Variants in ARFGEF3 observed in about 807,000 individuals in gnomAD.
The protein encoded by ARFGEF3 is brefeldin A-inhibited guanine nucleotide-exchange protein 3.
In ARFGEF3, 96 loss-of-function variants were observed where a neutral mutation model predicts 221.7. That is an observed-to-expected ratio of 0.43 (90% CI 0.37 to 0.51). ARFGEF3 has a LOEUF of 0.51. ARFGEF3 is among the 20% of genes least tolerant of loss of function. The probability of loss-of-function intolerance (pLI) is 0.00; values close to 1 mark genes in which losing one functional copy is unlikely to be tolerated. For synonymous variants in ARFGEF3, 1,145 were observed against 1,126.8 expected, an observed-to-expected ratio of 1.02 and a Z score of -0.32; for missense variants, 2,410 against 2,789.9, an observed-to-expected ratio of 0.86 and a Z score of 3.07.
rs1779744796 is a variant in ARFGEF3 at position 138,307,333 on chromosome 6, G to A, written c.3909G>A (p.Leu1303=). 3.1e-6 allele frequency: 5 copies of A among 1,613,850 alleles called. No individual in the cohort carries two copies. Among genetic ancestry groups the A allele is most frequent in the African/African-American group, 1.3e-5 (1 of 74,932 alleles). The part of the protein sequence containing the change: ...QSGWRPLFSA[L]ETVHGGNKSE... ...GATGGAGACCCTTGTTCAGTGCCCT[G>A]GAAACAGTGCATGGCGGGAACAAGT... The change falls in exon 23 of 34, where the codon CTG becomes CTA. Residue 1303 remains leucine, a synonymous_variant. Coordinates refer to ENST00000251691, the MANE Select transcript of ARFGEF3 (RefSeq NM_020340.5).
At chr6:138,195,142 A>G (rs1777389897) in intron 2 of ARFGEF3, among the ~76,000 whole-genome samples, 2 of 151,510 alleles carry the variant, frequency 1.3e-5, no homozygotes, top group Non-Finnish European at 2.9e-5. Flanking sequence ...AGCTGGGACT[A>G]CAGGTGCACA....
At chr6:138,313,749 CT>C (rs777941223) in intron 25 of ARFGEF3, 45 bp from the exon 26 acceptor site, 1 of 1,527,464 alleles carries the variant, frequency 6.5e-7, no homozygotes, top group South Asian at 1.1e-5. Context: ...CACAATGCAG[CT>C]TTTTCCAACA....
In ARFGEF3 at chr6:138,311,418, T is replaced by C. The variant is rs1327016746; in HGVS notation, c.4108T>C (p.Cys1370Arg). Residue 1370 changes from cysteine to arginine, a missense_variant, in exon 25 of 34, where the codon TGT (cysteine) becomes CGT (arginine). By Grantham distance (180) the Cys-to-Arg change is radical. Transcript: ENST00000251691. ...KFVKGLGEVD[C>R]KEIGDCAPAP... ...CGTGCCGCCCCTAGGGGAGGTGGAC[T>C]GTAAAGAGATTGGAGACTGTGCCCC... 2 of 1,605,918 alleles carry C rather than the reference T, an allele frequency of 1.2e-6. No homozygotes were observed. The highest frequency in any genetic ancestry group is 1.7e-6 in the Non-Finnish European group (2 of 1,176,526).
rs1326292689 is a variant in ARFGEF3 at position 138,341,650 on chromosome 6, G to C, written c.*5164G>C. On this transcript the variant is annotated 3_prime_UTR_variant, in exon 34 of 34. Coordinates refer to ENST00000251691, the MANE Select transcript of ARFGEF3 (RefSeq NM_020340.5). ...CCTCAAAAAAAAAAGTTCTCATTTA[G>C]TAGTGGAGCAATCTAGAAAACATAC... The C allele has an allele frequency of 6.6e-6, 1 of 152,188 alleles. No homozygotes were observed. Among genetic ancestry groups the C allele is most frequent in the Non-Finnish European group, 1.5e-5 (1 of 68,070 alleles). The allele number at this position is 152,188 out of a possible 1,614,324, so 9.4% of individuals were successfully genotyped here.
intron 2 of ARFGEF3, among the ~76,000 whole-genome samples, chr6:138,205,054 A>C (rs1239297434): frequency 1.3e-5 from 2 of 152,204 alleles, no homozygotes. Flanking sequence ...TAAGGATTTC[A>C]AGGGCTAATA....
intron 22 of ARFGEF3, among the ~76,000 whole-genome samples, chr6:138,305,329 A>G (rs994167483): frequency 3.2e-4 from 48 of 152,164 alleles, no homozygotes; most frequent in African/African-American, 1.1e-3. Flanking sequence ...GGCCAGGCAC[A>G]GTGGCTTACA....
intron 4 of ARFGEF3, among the ~76,000 whole-genome samples, chr6:138,227,402 T>C (rs1198326182): frequency 6.6e-6 from 1 of 152,160 alleles, no homozygotes; most frequent in African/African-American, 2.4e-5. Flanking sequence ...AAACACTTCT[T>C]CCTAAACCTA....
At chr6:138,287,534 G>C (rs1269059291) in intron 17 of ARFGEF3, among the ~76,000 whole-genome samples, 1 of 152,214 alleles carries the variant, frequency 6.6e-6, no homozygotes, top group Non-Finnish European at 1.5e-5. Flanking sequence ...GTTATAGTGG[G>C]GAAGGCAGAT....
intron 12 of ARFGEF3, among the ~76,000 whole-genome samples, chr6:138,276,856 G>A (rs1241371689): frequency 9.2e-5 from 14 of 152,086 alleles, no homozygotes. Flanking sequence ...AGTAGAGATG[G>A]GGTTTCACCC....
Position 138,201,824 on chromosome 6 carries a change from AT to A in ARFGEF3, c.138-5209del, listed in dbSNP as rs796156649. On this transcript the variant is annotated intron_variant, in intron 2 of 33. Transcript: ENST00000251691. ...CTGTACCCCAATAACTTACGAACAA[AT>A]TTTTTTTTAAAAAGTTCACATTGGT... Among the ~76,000 whole-genome samples, 65 of 152,018 alleles carry A rather than the reference AT, an allele frequency of 4.3e-4. No homozygotes were observed. The East Asian group carries it at 7.5e-3, about 18-fold the overall frequency.
chr6:138,279,954 G>A (rs1483005117), intron 13 of ARFGEF3, 45 bp from the exon 14 acceptor site: 1 of 1,597,420 alleles, frequency 6.3e-7, no homozygotes, highest in Non-Finnish European at 8.6e-7. Flanking sequence ...GCCTGTTAGT[G>A]AGCAGGGTGT....
intron 8 of ARFGEF3, among the ~76,000 whole-genome samples, chr6:138,253,301 A>G (rs1037131650): frequency 2.8e-5 from 4 of 144,836 alleles, no homozygotes; most frequent in Admixed American, 1.3e-4. Context: ...TCTAAAAAGT[A>G]AAGTTTATTA....
chr6:138,265,850 G>C (rs1377294952), intron 12 of ARFGEF3, among the ~76,000 whole-genome samples: 1 of 152,004 alleles, frequency 6.6e-6, no homozygotes, highest in African/African-American at 2.4e-5. Context: ...CTGAAGTGCA[G>C]TGGCTCAGCC....
intron 21 of ARFGEF3, 101 bp downstream of exon 21, chr6:138,297,056 G>A (rs550964725): frequency 5.2e-6 from 7 of 1,355,388 alleles, no homozygotes; most frequent in South Asian, 2.8e-5. Context: ...AAGCACTGTG[G>A]CCATTGGGCA....
At chr6:138,315,849 C>CAAAAAAAAAAAAAA (rs11374649) in intron 26 of ARFGEF3, among the ~76,000 whole-genome samples, 3 of 137,854 alleles carry the variant, frequency 2.2e-5, no homozygotes, top group African/African-American at 8.0e-5. Context: ...GACTGCATCT[C>CAAAAAAAAAAAAAA]AAAAAAAAAA....
chr6:138,165,789 G>A (rs1338365033), intron 1 of ARFGEF3, among the ~76,000 whole-genome samples: 1 of 152,210 alleles, frequency 6.6e-6, no homozygotes, highest in African/African-American at 2.4e-5. Flanking sequence ...TCAAAGGAGA[G>A]AGGCATCATT....
chr6:138,286,762 A>C lies in ARFGEF3; in HGVS notation c.2631A>C (p.Ser877=). The C allele has an allele frequency of 6.2e-7, 1 of 1,614,098 alleles. No homozygotes were observed. The highest frequency in any genetic ancestry group is 8.5e-7 in the Non-Finnish European group (1 of 1,179,908). ...GCWKNLIDTL[S]TPLTGRMAGS... Reference sequence around the variant, plus strand: ...GGAAGAACTTGATCGATACTTTATCAACCCCACTGACTGGTCGAATGGCGG... The same window carrying C: ...GGAAGAACTTGATCGATACTTTATCCACCCCACTGACTGGTCGAATGGCGG... The change falls in exon 16 of 34, where the codon TCA becomes TCC. Residue 877 remains serine (S), a synonymous_variant. Transcript: ENST00000251691.
chr6:138,193,657 T>C (rs1777354583), intron 2 of ARFGEF3, among the ~76,000 whole-genome samples: 2 of 152,192 alleles, frequency 1.3e-5, no homozygotes, highest in Admixed American at 1.3e-4. Context: ...AATGGATTGG[T>C]TTCATAAGGC....
chr6:138,280,844 C>A (rs1048170169), intron 14 of ARFGEF3, among the ~76,000 whole-genome samples: 17 of 152,076 alleles, frequency 1.1e-4, no homozygotes, highest in African/African-American at 3.9e-4. Context: ...GGAGCAAGAC[C>A]CTGTCTCAAA....
Sources: allele counts gnomAD v4.1 joint callset (sites outside exome capture counted in the v4.1 genomes callset), GRCh38; gene constraint gnomAD v4.1.1; transcripts MANE v1.5; gene names NCBI Gene and HGNC (gene_info 2026-07-23, HGNC 2026-07-21).